ZCCHC2: variants seen among roughly 807,000 people sequenced by gnomAD.
ZCCHC2 encodes the protein zinc finger CCHC-type containing 2, also known as zinc finger CCHC domain-containing protein 2.
A neutral mutation model predicts 103.6 loss-of-function variants in ZCCHC2; 39 were observed. The observed-to-expected ratio is 0.38, with a 90% CI of 0.29 to 0.49. The LOEUF (loss-of-function observed/expected upper bound fraction) is 0.49. ZCCHC2 is among the 20% of genes least tolerant of loss of function. The pLI is 0.96. For missense variants in ZCCHC2, 1,483 were observed against 1,491.0 expected, an observed-to-expected ratio of 0.99 and a Z score of 0.09; for synonymous variants, 687 against 608.9, an observed-to-expected ratio of 1.13 and a Z score of -1.89.
At chr18:62,535,156 G>A (rs553346066) in intron 1 of ZCCHC2, among the ~76,000 whole-genome samples, 2 of 152,194 alleles carry the variant, frequency 1.3e-5, no homozygotes, top group East Asian at 3.8e-4. Flanking sequence ...TCAGATGTGG[G>A]CTGGGGAGGA....
At chr18:62,539,852 T>TAAC in intron 2 of ZCCHC2, 60 bp downstream of exon 2, 2 of 1,317,312 alleles carry the variant, frequency 1.5e-6, no homozygotes, top group Non-Finnish European at 2.1e-6. Context: ...CAGGGTGCTC[T>TAAC]TTACGCTGAT....
At chr18:62,553,195 T>C (rs1472209537) in intron 5 of ZCCHC2, among the ~76,000 whole-genome samples, 4 of 150,158 alleles carry the variant, frequency 2.7e-5, no homozygotes, top group Non-Finnish European at 5.9e-5. Flanking sequence ...TGTGTGTGTG[T>C]GTGTGTGTAT....
chr18:62,530,907 C>T (rs1312903422), intron 1 of ZCCHC2, among the ~76,000 whole-genome samples: 1 of 152,158 alleles, frequency 6.6e-6, no homozygotes, highest in Non-Finnish European at 1.5e-5. Flanking sequence ...ATCTGTTTTG[C>T]ACTTTTGTTA....
intron 1 of ZCCHC2, among the ~76,000 whole-genome samples, chr18:62,529,846 T>G (rs1914606389): frequency 6.6e-6 from 1 of 152,182 alleles, no homozygotes; most frequent in Admixed American, 6.5e-5. Context: ...CATCCGGGGA[T>G]TCAACCAACT....
chr18:62,574,292 T>G lies in ZCCHC2; in HGVS notation c.2211T>G (p.Val737=), dbSNP rs1456215600. 6.2e-7 allele frequency: 1 copy of G among 1,613,952 alleles called. No individual in the cohort carries two copies. The highest frequency in any genetic ancestry group is 1.7e-5 in the Admixed American group (1 of 60,010). ...HNGAQKSEVV[V]PAPKPADGKT... ...GTGCCCAGAAGTCTGAAGTTGTCGTTCCTGCACCCAAACCCGCTGATGGCA... is the reference window on the plus strand; with the variant it reads ...GTGCCCAGAAGTCTGAAGTTGTCGTGCCTGCACCCAAACCCGCTGATGGCA... Residue 737 remains valine (V), a synonymous_variant, in exon 13 of 14, where the codon GTT becomes GTG. Transcript: ENST00000269499.
Position 62,576,558 on chromosome 18 carries a change from T to TA in ZCCHC2, c.3517dup (p.Thr1173AsnfsTer85). ...CACCTCCCCTCCCCCCTTCTAATGA[T>TA]ACGTTGGATTCTGCAGACTGAAACG... On this transcript the variant is annotated frameshift_variant, in exon 14 of 14. Coordinates refer to ENST00000269499, the MANE Select transcript of ZCCHC2 (RefSeq NM_017742.6). LOFTEE classifies it high-confidence loss of function. 6.2e-7 allele frequency: 1 copy of TA among 1,613,802 alleles called. No homozygotes were observed.
chr18:62,554,825 C>T (rs1915815468), intron 5 of ZCCHC2, among the ~76,000 whole-genome samples: 1 of 152,184 alleles, frequency 6.6e-6, no homozygotes, highest in Non-Finnish European at 1.5e-5. Context: ...TCTTTCATCT[C>T]TTAATTTCAC....
At chr18:62,544,121 C>T (rs1237584990) in intron 3 of ZCCHC2, among the ~76,000 whole-genome samples, 17 of 152,132 alleles carry the variant, frequency 1.1e-4, no homozygotes, top group Admixed American at 1.0e-3. Flanking sequence ...TAGGGGGCCA[C>T]AGTTGAGTCC....
intron 4 of ZCCHC2, among the ~76,000 whole-genome samples, chr18:62,548,256 A>T (rs1010875878): frequency 3.9e-5 from 6 of 152,176 alleles, no homozygotes; most frequent in African/African-American, 1.4e-4. Context: ...CTGTATATAT[A>T]TATATATTTT....
chr18:62,575,455 C>A lies in ZCCHC2; in HGVS notation c.3374C>A (p.Pro1125His). 3 of 1,613,944 alleles carry A rather than the reference C, an allele frequency of 1.9e-6. No homozygotes were observed. Among genetic ancestry groups the A allele is most frequent in the East Asian group, 2.2e-5 (1 of 44,880 alleles). Reference protein sequence around the residue: ...NVVANTSGSGPKKNGNVSCYN... With the variant: ...NVVANTSGSGHKKNGNVSCYN... ...GTTGCCAACACCAGTGGTTCGGGGC[C>A]CAAGAAGAATGGGAATGTCTCATGT... Residue 1125 changes from proline to histidine, a missense_variant, in exon 13 of 14, where the codon CCC (proline) becomes CAC (histidine). Around this residue, in one of 3 missense-constraint regions of ZCCHC2, gnomAD observed 884 missense variants for 907.5 expected, o/e 0.97. Coordinates refer to ENST00000269499, the MANE Select transcript of ZCCHC2 (RefSeq NM_017742.6).
Position 62,528,758 on chromosome 18 carries a change from C to G in ZCCHC2, c.939+4395C>G, listed in dbSNP as rs533331960. ...CATCAACGATGCTACTTCAAGATAACTTGAATGTGGATGTGGCAGCCAGAA... is the reference window on the plus strand; with the variant it reads ...CATCAACGATGCTACTTCAAGATAAGTTGAATGTGGATGTGGCAGCCAGAA... On this transcript the variant is annotated intron_variant, in intron 1 of 13. Coordinates refer to ENST00000269499, the MANE Select transcript of ZCCHC2 (RefSeq NM_017742.6). Among the ~76,000 whole-genome samples the G allele has an allele frequency of 7.9e-5, 12 of 152,264 alleles. No homozygotes were observed. The South Asian group carries it at 1.2e-3, about 16-fold the overall frequency.
At chr18:62,542,261 C>CGTTT (rs1321832340) in intron 2 of ZCCHC2, among the ~76,000 whole-genome samples, 6 of 152,120 alleles carry the variant, frequency 3.9e-5, no homozygotes, top group African/African-American at 1.4e-4. Flanking sequence ...TTTACTTAAA[C>CGTTT]ACTCAGCATG....
chr18:62,527,538 G>A lies in ZCCHC2; in HGVS notation c.939+3175G>A, dbSNP rs190986034. Among the ~76,000 whole-genome samples, 1,034 of 152,302 alleles carry A rather than the reference G, an allele frequency of 6.8e-3. 7 individuals carry two copies. The highest frequency in any genetic ancestry group is 0.011 in the Non-Finnish European group (747 of 68,020). The stretch of plus-strand genomic sequence containing the variant: ...TTTCTATTATTTGGATGACTTTATG[G>A]TAAATATTACATTGGATTACAACTT... On this transcript the variant is annotated intron_variant, in intron 1 of 13. Transcript: ENST00000269499.
At chr18:62,524,685 G>A (rs965441546) in intron 1 of ZCCHC2, 33 of 362,650 alleles carry the variant, frequency 9.1e-5, no homozygotes, top group Non-Finnish European at 1.3e-4. Flanking sequence ...AAAGTGTCGG[G>A]ACGTTTTTGG....
At chr18:62,569,147 C>T (rs978908838) in intron 11 of ZCCHC2, among the ~76,000 whole-genome samples, 2 of 152,174 alleles carry the variant, frequency 1.3e-5, no homozygotes, top group African/African-American at 2.4e-5. Flanking sequence ...TCAATATTCA[C>T]CTAACATTTG....
chr18:62,548,203 A>AATT (rs1204165815), intron 4 of ZCCHC2, among the ~76,000 whole-genome samples: 4 of 152,118 alleles, frequency 2.6e-5, no homozygotes, highest in Non-Finnish European at 5.9e-5. Context: ...AAGGTGAGAA[A>AATT]ATTCAAAACA....
rs148361803 is a variant in ZCCHC2, at chr18:62,574,242, A to T, written c.2161A>T (p.Thr721Ser). ...PKYQHISFMPTLHCVMHNGAQ... is the reference protein window; with the variant it reads ...PKYQHISFMPSLHCVMHNGAQ... ...GTATCAGCATATTTCTTTTATGCCA[A>T]CGTTACACTGTGTCATGCACAATGG... Residue 721 changes from threonine to serine, a missense_variant, in exon 13 of 14, where the codon ACG (threonine) becomes TCG (serine). By Grantham distance (58) the Thr-to-Ser change is moderately conservative. Coordinates refer to ENST00000269499, the MANE Select transcript of ZCCHC2 (RefSeq NM_017742.6). 1 of 1,614,070 alleles carries T rather than the reference A, an allele frequency of 6.2e-7. No homozygotes were observed. The highest frequency in any genetic ancestry group is 1.1e-5 in the South Asian group (1 of 91,084).
rs1914449506 is a variant in ZCCHC2 at position 62,527,016 on chromosome 18, C to CG, written c.939+2653_939+2654insG. 2.1e-4 allele frequency: 4 copies of CG among 18,780 alleles called. 1 individual carries two copies. Among genetic ancestry groups the CG allele is most frequent in the African/African-American group, 7.0e-4 (2 of 2,858 alleles). The allele number at this position is 18,780 out of a possible 1,614,324, so 1.2% of individuals were successfully genotyped here. Reference sequence around the variant, plus strand: ...AATTCGTGTGGCAGCATTTCCCCCGCCCCCCCCCCCCCCGAAAGTAACCTT... The same window carrying CG: ...AATTCGTGTGGCAGCATTTCCCCCGCGCCCCCCCCCCCCCGAAAGTAACCTT... On this transcript the variant is annotated intron_variant, in intron 1 of 13. Coordinates refer to ENST00000269499, the MANE Select transcript of ZCCHC2 (RefSeq NM_017742.6).
rs747971040 is a variant in ZCCHC2, at chr18:62,524,268, G to A, written c.844G>A (p.Glu282Lys). The A allele has an allele frequency of 1.6e-5, 25 of 1,549,924 alleles. 1 individual carries two copies. In the South Asian group the frequency reaches 2.6e-4, roughly 16 times the overall value. ...CTTCCACCAGCGGGTCACCCTGAGGGAACACTTGGAGAGGCTCCGCGCCGC... is the reference window on the plus strand; with the variant it reads ...CTTCCACCAGCGGGTCACCCTGAGGAAACACTTGGAGAGGCTCCGCGCCGC... ...FSFHQRVTLR[E>K]HLERLRAALR... is the part of the protein sequence containing the mutation. Residue 282 changes from glutamate to lysine, a missense_variant, in exon 1 of 14, where the codon GAA (glutamate) becomes AAA (lysine). Glu to Lys is a moderately conservative substitution (Grantham distance 56, BLOSUM62 1). Around this residue, in one of 3 missense-constraint regions of ZCCHC2, gnomAD observed 568 missense variants for 525.1 expected, o/e 1.08. Coordinates refer to ENST00000269499, the MANE Select transcript of ZCCHC2 (RefSeq NM_017742.6).
Sources: allele counts gnomAD v4.1 joint callset (sites outside exome capture counted in the v4.1 genomes callset), GRCh38; gene constraint gnomAD v4.1.1; regional missense constraint gnomAD v4.1.1; transcripts MANE v1.5; gene names NCBI Gene and HGNC (gene_info 2026-07-23, HGNC 2026-07-21).